The following MRPL52 variants were observed in gnomAD, a reference collection of about 807,000 sequenced individuals.
The protein encoded by MRPL52 is mitochondrial ribosomal protein L52.
In MRPL52, 19 loss-of-function variants were observed where a neutral mutation model predicts 22.1. The ratio of observed to expected loss-of-function variants is 0.86; its 90% CI spans 0.60 to 1.26. MRPL52 has a LOEUF of 1.26. Ranked by LOEUF, MRPL52 falls within the 50% of genes most tolerant of loss-of-function variation. The probability of loss-of-function intolerance (pLI) is 0.00; values close to 1 mark genes in which losing one functional copy is unlikely to be tolerated. For synonymous variants in MRPL52, 50 were observed against 57.5 expected (o/e 0.87, Z 0.59); for missense variants, 152 against 148.1 (o/e 1.03, Z -0.14).
At position 22,834,535 on chromosome 14, in the gene MRPL52, T is replaced by G; in HGVS notation, c.*214T>G. ...CATTCCAGTTCAGCTAAGTCTTGCT[T>G]TAAAATTTTTACCTCCTAGCTGGGT... On this transcript the variant is annotated 3_prime_UTR_variant, in exon 5 of 5. Coordinates refer to ENST00000397496, the MANE Select transcript of MRPL52 (RefSeq NM_180982.3). 1 of 549,236 alleles carries G rather than the reference T, an allele frequency of 1.8e-6. No individual in the cohort carries two copies. Among genetic ancestry groups the G allele is most frequent in the African/African-American group, 1.9e-5 (1 of 52,288 alleles). The allele number at this position is 549,236 out of a possible 1,614,324, so 34.0% of individuals were successfully genotyped here.
At chr14:22,833,560 C>T (rs2138720733) in intron 4 of MRPL52, 78 bp downstream of exon 4, 1 of 1,044,504 alleles carries the variant, frequency 9.6e-7, no homozygotes, top group South Asian at 1.3e-5. Flanking sequence ...CTGTGTTGCA[C>T]CTAAGCAAAC....
rs532127946 is a variant in MRPL52, at chr14:22,831,029, T to C, written c.154+775T>C. The C allele has an allele frequency of 4.6e-6, 7 of 1,531,410 alleles. No homozygotes were observed. In the Admixed American group the frequency reaches 1.2e-4, roughly 26 times the overall value. The allele number at this position is 1,531,410 out of a possible 1,614,324, so 94.9% of individuals were successfully genotyped here. A position where few individuals can be genotyped will look rare whatever the true frequency, so the allele number is the denominator to read the frequency against. ...AGATGGTGAAGATTTTTTCTACTTG[T>C]TATTTACTGTAAGAAGCCTGGCATC... On this transcript the variant is annotated intron_variant, in intron 3 of 4. Transcript: ENST00000397496.
At chr14:22,833,359 T>A in intron 3 of MRPL52, 59 bp from the exon 4 acceptor site, 1 of 1,074,120 alleles carries the variant, frequency 9.3e-7, no homozygotes, top group East Asian at 2.4e-5. Context: ...TCACAGTATT[T>A]GCACAAGGTG....
intron 3 of MRPL52, chr14:22,831,006 ATGG>A (rs1406552041): frequency 6.8e-7 from 1 of 1,480,816 alleles, no homozygotes; most frequent in South Asian, 1.2e-5. Context: ...ACTGAGGAAG[ATGG>A]TGAAGATTTT....
chr14:22,832,490 A>G (rs1279930519), intron 3 of MRPL52, among the ~76,000 whole-genome samples: 4 of 151,920 alleles, frequency 2.6e-5, no homozygotes, highest in African/African-American at 4.8e-5. Flanking sequence ...ACAGGCGCCC[A>G]CCACCACGCC....
intron 3 of MRPL52, chr14:22,830,950 T>C: frequency 6.7e-7 from 1 of 1,503,056 alleles, no homozygotes; most frequent in Admixed American, 2.0e-5. Context: ...TAATACCCTA[T>C]TGTTGCTCTC....
In MRPL52 at chr14:22,834,429, G is replaced by C; in HGVS notation, c.*108G>C. On this transcript the variant is annotated 3_prime_UTR_variant, in exon 5 of 5. Coordinates refer to ENST00000397496, the MANE Select transcript of MRPL52 (RefSeq NM_180982.3). ...CCTTCACGTTCCCCATCTGTCTTCA[G>C]AGAAAAAGAGCTGGGACACCAAGAA... The C allele has an allele frequency of 7.6e-7, 1 of 1,320,496 alleles. No individual in the cohort carries two copies. Among genetic ancestry groups the C allele is most frequent in the Non-Finnish European group, 1.0e-6 (1 of 978,554 alleles). The allele number at this position is 1,320,496 out of a possible 1,614,324, so 81.8% of individuals were successfully genotyped here. A position where few individuals can be genotyped will look rare whatever the true frequency, so the allele number is the denominator to read the frequency against.
At chr14:22,834,126 G>A (rs768306768) in intron 4 of MRPL52, 46 bp from the exon 5 acceptor site, 67 of 1,602,764 alleles carry the variant, frequency 4.2e-5, no homozygotes, top group Non-Finnish European at 4.1e-5. Context: ...ATAGTATAGC[G>A]CTGAAGTCCC....
Position 22,833,330 on chromosome 14 carries a change from G to T in MRPL52, c.155-88G>T, listed in dbSNP as rs2039664402. 3.7e-6 allele frequency: 3 copies of T among 810,218 alleles called. No homozygotes were observed. In the South Asian group the frequency reaches 4.3e-5, roughly 12 times the overall value. The allele number at this position is 810,218 out of a possible 1,614,324, so 50.2% of individuals were successfully genotyped here. On this transcript the variant is annotated intron_variant, in intron 3 of 4. Transcript: ENST00000397496. Reference sequence around the variant, plus strand: ...AAATGGAAGAGAGGAGCTAGAGATTGGTTCTTCCCTTATTCCTATCACAGT... The same window carrying T: ...AAATGGAAGAGAGGAGCTAGAGATTTGTTCTTCCCTTATTCCTATCACAGT...
At chr14:22,830,275 TAACTC>T in intron 3 of MRPL52, 21 bp downstream of exon 3, 1 of 1,613,944 alleles carries the variant, frequency 6.2e-7, no homozygotes. Context: ...ATCTGGCAGT[TAACTC>T]CACTGGGGAG....
intron 3 of MRPL52, chr14:22,832,050 A>G (rs1293709832): frequency 1.3e-5 from 2 of 152,230 alleles, no homozygotes; most frequent in Admixed American, 1.3e-4. Flanking sequence ...CGCCTTTCCA[A>G]AAGGACCTGA....
chr14:22,830,062 GGCT>G lies in MRPL52; in HGVS notation c.41_43del (p.Leu14del). On this transcript the variant is annotated inframe_deletion, in exon 2 of 5. Coordinates refer to ENST00000397496, the MANE Select transcript of MRPL52 (RefSeq NM_180982.3). ...TCTGTTCTCCCAGCAGGTGTCCGGA[GGCT>G]GCACTGCAGCGTAGCCGCTTGGGCG... 6.2e-7 allele frequency: 1 copy of G among 1,614,110 alleles called. No homozygotes were observed. The highest frequency in any genetic ancestry group is 1.1e-5 in the South Asian group (1 of 91,074).
In MRPL52 at chr14:22,833,681, A is replaced by G. The variant is rs866839334; in HGVS notation, c.219+199A>G. 2.0e-5 allele frequency among the ~76,000 whole-genome samples: 3 copies of G among 152,044 alleles called. No homozygotes were observed. The South Asian group carries it at 6.2e-4, about 32-fold the overall frequency. ...CTCTTGATGCCCAGGCTGGAGTGCA[A>G]TGGCGCTATCTCAGCTCACTTCAAC... On this transcript the variant is annotated intron_variant, in intron 4 of 4. Transcript: ENST00000397496.
At position 22,834,662 on chromosome 14, in the gene MRPL52, C is replaced by T. The variant is rs917399189; in HGVS notation, c.*341C>T. On this transcript the variant is annotated 3_prime_UTR_variant, in exon 5 of 5. Transcript: ENST00000397496. Reference sequence around the variant, plus strand: ...AGCCTGGCCAACCCAGCCTGGTCAACATGGTGAAACCCTGTCCCTACTAAA... The same window carrying T: ...AGCCTGGCCAACCCAGCCTGGTCAATATGGTGAAACCCTGTCCCTACTAAA... 2.0e-5 allele frequency: 4 copies of T among 197,438 alleles called. No homozygotes were observed. Among genetic ancestry groups the T allele is most frequent in the Non-Finnish European group, 3.1e-5 (3 of 95,258 alleles). 12.2% of individuals were successfully genotyped at this position (197,438 alleles called of 1,614,324 possible).
chr14:22,830,363 A>T, intron 3 of MRPL52, 109 bp downstream of exon 3: 2 of 1,167,836 alleles, frequency 1.7e-6, no homozygotes, highest in Non-Finnish European at 1.2e-6. Context: ...AAAGTGTTTA[A>T]CTTTTTATTT....
Position 22,834,533 on chromosome 14 carries a change from C to T in MRPL52, c.*212C>T, listed in dbSNP as rs969120407. The T allele has an allele frequency of 7.0e-6, 4 of 570,556 alleles. No individual in the cohort carries two copies. The highest frequency in any genetic ancestry group is 1.2e-5 in the Non-Finnish European group (4 of 339,322). The allele number at this position is 570,556 out of a possible 1,614,324, so 35.3% of individuals were successfully genotyped here. ...TCCATTCCAGTTCAGCTAAGTCTTG[C>T]TTTAAAATTTTTACCTCCTAGCTGG... is the stretch of plus-strand genomic sequence containing the variant. On this transcript the variant is annotated 3_prime_UTR_variant, in exon 5 of 5. Transcript: ENST00000397496.
At chr14:22,830,832 T>G (rs2039591637) in intron 3 of MRPL52, 2 of 604,024 alleles carry the variant, frequency 3.3e-6, no homozygotes, top group Non-Finnish European at 5.7e-6. Context: ...AAGTAGGAAA[T>G]TTGAGGCCTA....
At position 22,834,380 on chromosome 14, in the gene MRPL52, A is replaced by G; in HGVS notation, c.*59A>G. 5 of 1,533,888 alleles carry G rather than the reference A, an allele frequency of 3.3e-6. No individual in the cohort carries two copies. Among genetic ancestry groups the G allele is most frequent in the South Asian group, 1.3e-5 (1 of 79,686 alleles). ...TCTGGATTTCTTTTCTATCACCTAGATGCTTCATCCAGCCAGAAGATAGCC... is the reference window on the plus strand; with the variant it reads ...TCTGGATTTCTTTTCTATCACCTAGGTGCTTCATCCAGCCAGAAGATAGCC... On this transcript the variant is annotated 3_prime_UTR_variant, in exon 5 of 5. Coordinates refer to ENST00000397496, the MANE Select transcript of MRPL52 (RefSeq NM_180982.3).
Position 22,830,875 on chromosome 14 carries a change from G to A in MRPL52, c.154+621G>A, listed in dbSNP as rs1353825965. On this transcript the variant is annotated intron_variant, in intron 3 of 4. Transcript: ENST00000397496. ...GAATTGCACATGATCATACAGCTAG[G>A]TAGTAGCAAATCCAGGACTAGAACA... The A allele has an allele frequency of 4.7e-6, 4 of 853,596 alleles. No homozygotes were observed. In the African/African-American group the frequency reaches 5.1e-5, roughly 11 times the overall value. The allele number at this position is 853,596 out of a possible 1,614,324, so 52.9% of individuals were successfully genotyped here. A position where few individuals can be genotyped will look rare whatever the true frequency, so the allele number is the denominator to read the frequency against.
Sources: allele counts gnomAD v4.1 joint callset (sites outside exome capture counted in the v4.1 genomes callset), GRCh38; gene constraint gnomAD v4.1.1; transcripts MANE v1.5; gene names NCBI Gene and HGNC (gene_info 2026-07-23, HGNC 2026-07-21).